Variants in GRAMD2B observed in about 807,000 individuals in gnomAD.
The protein encoded by GRAMD2B is GRAM domain-containing protein 2B.
GRAMD2B carries 41 observed loss-of-function variants against 59.2 expected under a neutral mutation model. The observed-to-expected ratio is 0.69, with a 90% CI of 0.54 to 0.90. The LOEUF is 0.90. Among genes scored for constraint, GRAMD2B ranks in the 40% least tolerant of loss-of-function variants. The pLI, the probability that GRAMD2B is intolerant of heterozygous loss-of-function variation, is 0.00. For missense variants in GRAMD2B, 424 were observed against 500.5 expected (o/e 0.85, Z 1.46); for synonymous variants, 161 against 182.7 (o/e 0.88, Z 0.96).
At chr5:126,385,051 A>G (rs1319591020) in intron 1 of GRAMD2B, among the ~76,000 whole-genome samples, 2 of 152,216 alleles carry the variant, frequency 1.3e-5, no homozygotes, top group Admixed American at 1.3e-4. Context: ...TAGGTTATGG[A>G]TGAATGAAGA....
rs1217668525 is a variant in GRAMD2B at position 126,485,699 on chromosome 5, T to A, written c.984T>A (p.Thr328=). 2 of 1,611,282 alleles carry A rather than the reference T, an allele frequency of 1.2e-6. No homozygotes were observed. Among genetic ancestry groups the A allele is most frequent in the Admixed American group, 3.3e-5 (2 of 59,884 alleles). Residue 328 remains threonine, a synonymous_variant, in exon 11 of 14, where the codon ACT becomes ACA. Transcript: ENST00000285689. ...KSLPVQGLSE[T]VGILHKVKSQ... is the part of the protein sequence containing the mutation. ...TCCTCCCAACAGGTCTGTCAGAAAC[T>A]GTTGGAATCTTACATAAAGTCAAGT...
At chr5:126,466,241 T>G (rs1419532273) in intron 2 of GRAMD2B, 8 of 1,548,100 alleles carry the variant, frequency 5.2e-6, no homozygotes, top group Non-Finnish European at 7.0e-6. Flanking sequence ...CTTCTTTTGG[T>G]CTTTGCTAAA....
At position 126,493,354 on chromosome 5, in the gene GRAMD2B, G is replaced by C. The variant is rs982481378; in HGVS notation, c.*398G>C. The stretch of plus-strand genomic sequence containing the variant: ...CCTCTTAACGACTTTCAAACTAAAG[G>C]ATACATCATATACTGACAAACTCAA... On this transcript the variant is annotated 3_prime_UTR_variant, in exon 14 of 14. Transcript: ENST00000285689. 1.1e-5 allele frequency: 2 copies of C among 189,770 alleles called. No homozygotes were observed. Among genetic ancestry groups the C allele is most frequent in the African/African-American group, 4.6e-5 (2 of 43,154 alleles). The allele number at this position is 189,770 out of a possible 1,614,324, so 11.8% of individuals were successfully genotyped here. A position where few individuals can be genotyped will look rare whatever the true frequency, so the allele number is the denominator to read the frequency against.
chr5:126,407,584 C>T (rs1758372376), intron 1 of GRAMD2B, among the ~76,000 whole-genome samples: 1 of 151,948 alleles, frequency 6.6e-6, no homozygotes, highest in African/African-American at 2.4e-5. Context: ...TGGCTCTGAT[C>T]TAAATATACA....
At chr5:126,477,859 C>A in intron 6 of GRAMD2B, 72 bp downstream of exon 6, 2 of 882,108 alleles carry the variant, frequency 2.3e-6, no homozygotes, top group South Asian at 1.3e-5. Context: ...TAAGGGGTCT[C>A]TTGCCAAGGA....
intron 6 of GRAMD2B, among the ~76,000 whole-genome samples, chr5:126,478,586 C>G (rs1254048027): frequency 6.6e-6 from 1 of 151,712 alleles, no homozygotes; most frequent in African/African-American, 2.4e-5. Context: ...TCAAAAAATA[C>G]AAAAATTAGC....
In GRAMD2B at chr5:126,472,431, CATAACA is replaced by C. The variant is rs1769787077; in HGVS notation, c.382+134_382+139del. On this transcript the variant is annotated intron_variant, in intron 4 of 13. Coordinates refer to ENST00000285689, the MANE Select transcript of GRAMD2B (RefSeq NM_023927.4). ...GGGATCAGGTTTCTGAAAGTAATAA[CATAACA>C]ATAACACCAGCTTCAGTCAGCTTTC... 1.3e-5 allele frequency: 9 copies of C among 674,260 alleles called. No homozygotes were observed. In the South Asian group the frequency reaches 1.6e-4, roughly 12 times the overall value. 41.8% of individuals were successfully genotyped at this position (674,260 alleles called of 1,614,324 possible).
chr5:126,461,736 G>T lies in GRAMD2B; in HGVS notation c.84-3690G>T, dbSNP rs188719940. The stretch of plus-strand genomic sequence containing the variant: ...AATCACTTGAACCTGGGAGGTGGAG[G>T]CTGTAGTGAGCAGAGATCACGCCAT... On this transcript the variant is annotated intron_variant, in intron 1 of 13. Coordinates refer to ENST00000285689, the MANE Select transcript of GRAMD2B (RefSeq NM_023927.4). Among the ~76,000 whole-genome samples the T allele has an allele frequency of 8.5e-5, 13 of 152,178 alleles. No homozygotes were observed. The East Asian group carries it at 1.9e-3, about 23-fold the overall frequency.
chr5:126,371,461 C>A (rs1346526049), exon 1 of GRAMD2B: 1 of 1,288,692 alleles, frequency 7.8e-7, no homozygotes. Context: ...GAAAAGGCTG[C>A]CTTCTAGTGA....
intron 1 of GRAMD2B, among the ~76,000 whole-genome samples, chr5:126,406,816 A>G (rs761347682): frequency 7.9e-5 from 12 of 152,018 alleles, no homozygotes; most frequent in Non-Finnish European, 1.6e-4. Context: ...CTAGAGAAAA[A>G]TAGGTAAAGA....
intron 8 of GRAMD2B, among the ~76,000 whole-genome samples, chr5:126,482,813 C>T (rs1041417259): frequency 1.3e-5 from 2 of 152,184 alleles, no homozygotes; most frequent in Admixed American, 6.5e-5. Flanking sequence ...ATTTTAATGA[C>T]ACCATTTGTC....
intron 1 of GRAMD2B, among the ~76,000 whole-genome samples, chr5:126,447,612 C>T (rs1197446236): frequency 7.4e-5 from 11 of 148,030 alleles, no homozygotes; most frequent in Non-Finnish European, 1.3e-4. Context: ...TGCAGTGAGC[C>T]GAGATCGTGC....
Position 126,472,293 on chromosome 5 carries a change from C to G in GRAMD2B, c.371C>G (p.Pro124Arg), listed in dbSNP as rs200459354. Reference sequence around the variant, plus strand: ...TTTCTTAGTGTCCCAACGGAGGAACCACTGAAGCAAAGTAAGTTCTGACCT... The same window carrying G: ...TTTCTTAGTGTCCCAACGGAGGAACGACTGAAGCAAAGTAAGTTCTGACCT... ...KLFLSVPTEE[P>R]LKQSFTCALQ... Residue 124 changes from proline to arginine, a missense_variant, in exon 4 of 14, where the codon CCA becomes CGA. Coordinates refer to ENST00000285689, the MANE Select transcript of GRAMD2B (RefSeq NM_023927.4). 66 of 1,613,534 alleles carry G rather than the reference C, an allele frequency of 4.1e-5. No homozygotes were observed. Among genetic ancestry groups the G allele is most frequent in the Non-Finnish European group, 5.4e-5 (64 of 1,179,638 alleles).
At chr5:126,465,035 G>T in intron 1 of GRAMD2B, 1 of 1,015,468 alleles carries the variant, frequency 9.8e-7, no homozygotes, top group Non-Finnish European at 1.2e-6. Flanking sequence ...GGGGTTCCCA[G>T]CAGGAAGGCT....
chr5:126,378,215 A>G (rs1755365391), intron 1 of GRAMD2B, among the ~76,000 whole-genome samples: 1 of 152,200 alleles, frequency 6.6e-6, no homozygotes, highest in Non-Finnish European at 1.5e-5. Context: ...ATAAAAAGGT[A>G]AGTTTTTTTC....
intron 1 of GRAMD2B, among the ~76,000 whole-genome samples, chr5:126,456,224 T>C (rs549100568): frequency 3.7e-4 from 56 of 152,176 alleles, no homozygotes; most frequent in Non-Finnish European, 6.2e-4. Context: ...ACTTTTTTTG[T>C]TGTTGAGACA....
chr5:126,491,838 A>G (rs1376168963), intron 13 of GRAMD2B, among the ~76,000 whole-genome samples: 2 of 152,006 alleles, frequency 1.3e-5, no homozygotes, highest in Admixed American at 1.3e-4. Flanking sequence ...GGTTCAAGCA[A>G]TTCTCCTGCC....
upstream of GRAMD2B, among the ~76,000 whole-genome samples, chr5:126,419,297 A>G (rs552278777): frequency 2.0e-4 from 30 of 152,216 alleles, no homozygotes; most frequent in South Asian, 8.3e-4. Context: ...CCATCTTCAC[A>G]TGGTGAAGCG....
At chr5:126,376,057 G>A (rs1755157818) in intron 1 of GRAMD2B, among the ~76,000 whole-genome samples, 1 of 152,206 alleles carries the variant, frequency 6.6e-6, no homozygotes, top group African/African-American at 2.4e-5. Context: ...AAAGGCTTTG[G>A]TGAATTAAGA....
Sources: allele counts gnomAD v4.1 joint callset (sites outside exome capture counted in the v4.1 genomes callset), GRCh38; gene constraint gnomAD v4.1.1; transcripts MANE v1.5; gene names NCBI Gene and HGNC (gene_info 2026-07-23, HGNC 2026-07-21).